The following INPP4B variants were observed in gnomAD, a reference collection of about 807,000 sequenced individuals.
INPP4B encodes inositol polyphosphate-4-phosphatase type II B, also known as inositol polyphosphate 4-phosphatase type II.
Under a neutral mutation model 122.5 loss-of-function variants are expected in INPP4B, and 55 were observed. The ratio of observed to expected loss-of-function variants is 0.45; its 90% CI spans 0.36 to 0.56. The LOEUF (loss-of-function observed/expected upper bound fraction) is 0.56, where lower values mean the gene tolerates loss of function less well. INPP4B is among the 20% of genes least tolerant of loss of function. The pLI is 0.00. For synonymous variants in INPP4B, 403 were observed against 388.7 expected, an observed-to-expected ratio of 1.04 and a Z score of -0.43; for missense variants, 1,000 against 1,097.7, an observed-to-expected ratio of 0.91 and a Z score of 1.26.
At chr4:142,591,504 A>G (rs1346907599) in intron 2 of INPP4B, among the ~76,000 whole-genome samples, 1 of 152,214 alleles carries the variant, frequency 6.6e-6, no homozygotes, top group African/African-American at 2.4e-5. Flanking sequence ...AATCTTCAGT[A>G]CACAAGAATT....
At chr4:142,480,163 A>G (rs1338046552) in intron 2 of INPP4B, among the ~76,000 whole-genome samples, 3 of 152,218 alleles carry the variant, frequency 2.0e-5, no homozygotes, top group Non-Finnish European at 4.4e-5. Flanking sequence ...CTATACTTAT[A>G]CTAATTGGAA....
intron 1 of INPP4B, among the ~76,000 whole-genome samples, chr4:142,760,384 CAT>C (rs1347731040): frequency 2.0e-5 from 3 of 151,976 alleles, no homozygotes; most frequent in African/African-American, 7.2e-5. Context: ...GGTAGAAAAA[CAT>C]AGCAAAAGGA....
rs988421014 is a variant in INPP4B, at chr4:142,432,655, G to A, written c.-126-1270C>T. On this transcript the variant is annotated intron_variant, in intron 3 of 25. Transcript: ENST00000262992. ...AGAACACACACATTCATAGCACCAC[G>A]TTCTCCCAAAGACCTATGACAAATG... is the stretch of plus-strand genomic sequence containing the variant. Among the ~76,000 whole-genome samples the A allele has an allele frequency of 7.9e-5, 12 of 151,930 alleles. No homozygotes were observed. The South Asian group carries it at 8.3e-4, about 11-fold the overall frequency.
At chr4:142,534,599 T>C (rs1827976263) in intron 2 of INPP4B, among the ~76,000 whole-genome samples, 2 of 151,888 alleles carry the variant, frequency 1.3e-5, no homozygotes, top group Non-Finnish European at 2.9e-5. Context: ...ACAGCATAAA[T>C]GGACTATGAC....
In INPP4B at chr4:142,350,776, T is replaced by C. The variant is rs530429322; in HGVS notation, c.373-36014A>G. On this transcript the variant is annotated intron_variant, in intron 7 of 25. Coordinates refer to ENST00000262992, the MANE Select transcript of INPP4B (RefSeq NM_001101669.3). ...AAATTATACTTTACTTTTGTCTACATTGGAAAGCATTTTACATAAAGCTGT... is the reference window on the plus strand; with the variant it reads ...AAATTATACTTTACTTTTGTCTACACTGGAAAGCATTTTACATAAAGCTGT... Among the ~76,000 whole-genome samples, 43 of 152,140 alleles carry C rather than the reference T, an allele frequency of 2.8e-4. 1 individual carries two copies. Among genetic ancestry groups the C allele is most frequent in the African/African-American group, 1.0e-3 (42 of 41,548 alleles).
At chr4:142,803,833 G>C (rs187599246) in intron 1 of INPP4B, among the ~76,000 whole-genome samples, 3,281 of 152,014 alleles carry the variant, frequency 0.022, 66 homozygotes, top group Non-Finnish European at 0.028. Context: ...GAGACAGGCG[G>C]ATCACATGAG....
chr4:142,612,265 A>T (rs998330562), intron 2 of INPP4B, among the ~76,000 whole-genome samples: 1 of 152,194 alleles, frequency 6.6e-6, no homozygotes, highest in African/African-American at 2.4e-5. Context: ...AAATGAGATG[A>T]TTCATTTGTA....
intron 3 of INPP4B, among the ~76,000 whole-genome samples, chr4:142,462,381 T>C (rs1344561785): frequency 6.6e-6 from 1 of 152,310 alleles, no homozygotes; most frequent in African/African-American, 2.4e-5. Flanking sequence ...ATAAAGCATA[T>C]GCATTAATTT....
intron 21 of INPP4B, among the ~76,000 whole-genome samples, chr4:142,115,988 CA>C (rs1793106735): frequency 2.6e-5 from 4 of 151,408 alleles, no homozygotes; most frequent in African/African-American, 9.7e-5. Flanking sequence ...AAATGGAAAA[CA>C]AAAAAAGGCA....
At chr4:142,560,859 GA>G (rs1730319930) in intron 2 of INPP4B, among the ~76,000 whole-genome samples, 1 of 152,008 alleles carries the variant, frequency 6.6e-6, no homozygotes, top group African/African-American at 2.4e-5. Context: ...ACACACCCAG[GA>G]ACAATACTTT....
intron 2 of INPP4B, among the ~76,000 whole-genome samples, chr4:142,606,420 AT>A (rs2150318975): frequency 6.6e-6 from 1 of 152,072 alleles, no homozygotes; most frequent in South Asian, 2.1e-4. Flanking sequence ...ACATAAAAAA[AT>A]AATAAGCAAC....
intron 12 of INPP4B, among the ~76,000 whole-genome samples, chr4:142,230,310 C>T (rs1853610623): frequency 6.6e-6 from 1 of 152,224 alleles, no homozygotes; most frequent in East Asian, 1.9e-4. Context: ...ACAAACCTCT[C>T]TCTACCACAG....
intron 2 of INPP4B, among the ~76,000 whole-genome samples, chr4:142,573,289 G>A (rs1319022924): frequency 3.3e-5 from 5 of 151,992 alleles, no homozygotes; most frequent in African/African-American, 9.7e-5. Context: ...GACTTGGGTG[G>A]GGACACAGAG....
intron 1 of INPP4B, among the ~76,000 whole-genome samples, chr4:142,774,596 T>C (rs1773572290): frequency 6.6e-6 from 1 of 152,092 alleles, no homozygotes; most frequent in African/African-American, 2.4e-5. Context: ...AAACACTTAT[T>C]TGATTATAAG....
At chr4:142,115,872 G>A (rs1373709527) in intron 21 of INPP4B, among the ~76,000 whole-genome samples, 3 of 152,062 alleles carry the variant, frequency 2.0e-5, no homozygotes, top group African/African-American at 4.8e-5. Flanking sequence ...CTGGCAAATT[G>A]GATAAAAAGT....
chr4:142,166,031 A>G (rs1417244283), intron 16 of INPP4B, among the ~76,000 whole-genome samples: 2 of 151,712 alleles, frequency 1.3e-5, no homozygotes, highest in Non-Finnish European at 1.5e-5. Context: ...TTGGTGAAGT[A>G]TATTTTTAAT....
intron 2 of INPP4B, among the ~76,000 whole-genome samples, chr4:142,693,754 A>T (rs1760586658): frequency 6.6e-6 from 1 of 152,148 alleles, no homozygotes; most frequent in South Asian, 2.1e-4. Flanking sequence ...TCAAAATATC[A>T]AAATTCAAAT....
chr4:142,536,725 G>A (rs1454240580), intron 2 of INPP4B, among the ~76,000 whole-genome samples: 2 of 152,100 alleles, frequency 1.3e-5, no homozygotes, highest in African/African-American at 4.8e-5. Flanking sequence ...CTGGTAGCCT[G>A]CCCCTTTGAT....
rs1026365899 is a variant in INPP4B at position 142,846,281 on chromosome 4, C to CGAGCGTGT, written c.-334_-327dup. 2 of 152,600 alleles carry CGAGCGTGT rather than the reference C, an allele frequency of 1.3e-5. No homozygotes were observed. The highest frequency in any genetic ancestry group is 2.9e-5 in the Non-Finnish European group (2 of 68,412). The allele number at this position is 152,600 out of a possible 1,614,324, so 9.5% of individuals were successfully genotyped here. ...AGCCTGACTTTCCTGCGTTCGCTTG[C>CGAGCGTGT]GAGCGTGTGAGCGTGTGCGCGCCCA... On this transcript the variant is annotated 5_prime_UTR_variant, in exon 1 of 26. Transcript: ENST00000262992. The surrounding 1 kb of genome is among the most constrained non-coding windows in gnomAD (Gnocchi z 5.1).
Sources: allele counts gnomAD v4.1 joint callset (sites outside exome capture counted in the v4.1 genomes callset), GRCh38; gene constraint gnomAD v4.1.1; non-coding constraint Gnocchi (gnomAD v3.1); transcripts MANE v1.5; gene names NCBI Gene and HGNC (gene_info 2026-07-23, HGNC 2026-07-21).